SLC24A1: variants seen among roughly 807,000 people sequenced by gnomAD.
The protein encoded by SLC24A1 is solute carrier family 24 member 1, also known as sodium/potassium/calcium exchanger 1.
In SLC24A1, 52 loss-of-function variants were observed where a neutral mutation model predicts 88.1. The ratio of observed to expected loss-of-function variants is 0.59; its 90% confidence interval spans 0.47 to 0.74. The LOEUF (loss-of-function observed/expected upper bound fraction) is 0.74, where lower values mean the gene tolerates loss of function less well. Among genes scored for constraint, SLC24A1 ranks in the 30% least tolerant of loss-of-function variants. The pLI, the probability that SLC24A1 is intolerant of heterozygous loss-of-function variation, is 0.00. For missense variants in SLC24A1, 1,173 were observed against 1,363.3 expected (o/e 0.86, Z 2.20); for synonymous variants, 455 against 498.0 (o/e 0.91, Z 1.15).
At chr15:65,656,295 C>A, downstream of SLC24A1, 2 of 970,800 alleles carry the variant, frequency 2.1e-6, no homozygotes, top group Non-Finnish European at 2.4e-6. Context: ...TTCTGGCATA[C>A]CCCTTTGCCT....
chr15:65,648,992 G>A (rs1221000057), intron 6 of SLC24A1, among the ~76,000 whole-genome samples: 1 of 152,128 alleles, frequency 6.6e-6, no homozygotes, highest in Non-Finnish European at 1.5e-5. Flanking sequence ...CCCAAACACT[G>A]GTCTAAAGGT....
rs1234217435 is a variant in SLC24A1, at chr15:65,654,538, C to T, written c.*459C>T. On this transcript the variant is annotated 3_prime_UTR_variant, in exon 10 of 10. Coordinates refer to ENST00000261892, the MANE Select transcript of SLC24A1 (RefSeq NM_004727.3). ...CCAAACACACGCTGCAATTTTGTCT[C>T]CTCCTTTTCTGTTCAAATTGTGAGG... 2 of 1,186,740 alleles carry T rather than the reference C, an allele frequency of 1.7e-6. No individual in the cohort carries two copies. Among genetic ancestry groups the T allele is most frequent in the Non-Finnish European group, 2.1e-6 (2 of 944,562 alleles). 73.5% of individuals were successfully genotyped at this position (1,186,740 alleles called of 1,614,324 possible).
chr15:65,620,830 C>G (rs140925595), upstream of SLC24A1, among the ~76,000 whole-genome samples: 1,058 of 152,172 alleles, frequency 7.0e-3, 15 homozygotes, highest in African/African-American at 0.025. Flanking sequence ...TTTCATCTTT[C>G]TGGGCCAGAT....
rs1330021015 is a variant in SLC24A1, at chr15:65,624,503, G to A, written c.423G>A (p.Lys141=). 1.9e-6 allele frequency: 3 copies of A among 1,584,316 alleles called. No individual in the cohort carries two copies. The highest frequency in any genetic ancestry group is 2.6e-6 in the Non-Finnish European group (3 of 1,156,404). ...CAGCAGCAGGTACAGAAAGAAGGAA[G>A]GAAGACACCCCAACATCCAGTAGAA... The part of the protein sequence containing the change: ...SPTAAGTERR[K]EDTPTSSRTL... Residue 141 remains lysine, a synonymous_variant, in exon 2 of 10, where the codon AAG becomes AAA. Transcript: ENST00000261892.
chr15:65,638,296 A>C (rs1013875708), intron 3 of SLC24A1, 115 bp downstream of exon 3: 7 of 771,374 alleles, frequency 9.1e-6, no homozygotes, highest in Admixed American at 6.3e-5. Context: ...CAGGCCTAGG[A>C]AACTCCTGGG....
At position 65,654,333 on chromosome 15, in the gene SLC24A1, G is replaced by A; in HGVS notation, c.*254G>A. 1 of 1,281,114 alleles carries A rather than the reference G, an allele frequency of 7.8e-7. No homozygotes were observed. Among genetic ancestry groups the A allele is most frequent in the Non-Finnish European group, 9.9e-7 (1 of 1,013,774 alleles). 79.4% of individuals were successfully genotyped at this position (1,281,114 alleles called of 1,614,324 possible). A position where few individuals can be genotyped will look rare whatever the true frequency, so the allele number is the denominator to read the frequency against. On this transcript the variant is annotated 3_prime_UTR_variant, in exon 10 of 10. Transcript: ENST00000261892. ...TCATGCAGACATCTATTACATGGAG[G>A]CAGTAGAAGGACCCCTGGAGCCAGA...
downstream of SLC24A1, among the ~76,000 whole-genome samples, chr15:65,657,122 C>T (rs181827980): frequency 6.3e-3 from 965 of 152,194 alleles, 9 homozygotes; most frequent in African/African-American, 0.022. Context: ...CTGCCCGCCT[C>T]GGCCTCCCAA....
chr15:65,646,510 A>AAC (rs1442181829), intron 6 of SLC24A1, among the ~76,000 whole-genome samples: 2 of 115,434 alleles, frequency 1.7e-5, no homozygotes, highest in African/African-American at 6.7e-5. Context: ...GGCCAGTATA[A>AAC]ACACCTTTGT....
Position 65,645,716 on chromosome 15 carries a change from C to G in SLC24A1, c.2232+13C>G. ...TCCAGGCGGTCAGGTAGGCACCCAG[C>G]CTTGGCACAGACAAAATTGGAGAGG... On this transcript the variant is annotated intron_variant, in intron 6 of 9. Coordinates refer to ENST00000261892, the MANE Select transcript of SLC24A1 (RefSeq NM_004727.3). 1 of 1,551,624 alleles carries G rather than the reference C, an allele frequency of 6.4e-7. No individual in the cohort carries two copies. The highest frequency in any genetic ancestry group is 8.7e-7 in the Non-Finnish European group (1 of 1,143,928).
At chr15:65,643,319 G>A (rs2075193967) in intron 4 of SLC24A1, among the ~76,000 whole-genome samples, 1 of 152,166 alleles carries the variant, frequency 6.6e-6, no homozygotes, top group South Asian at 2.1e-4. Flanking sequence ...AGCATTTGCA[G>A]CAGTAAAAGT....
upstream of SLC24A1, among the ~76,000 whole-genome samples, chr15:65,621,147 A>G (rs1251382080): frequency 6.6e-6 from 1 of 152,218 alleles, no homozygotes; most frequent in Non-Finnish European, 1.5e-5. Context: ...CCAAAGCATC[A>G]TGCACCCAGG....
At chr15:65,653,230 G>T (rs1318284424) in intron 9 of SLC24A1, among the ~76,000 whole-genome samples, 5 of 152,138 alleles carry the variant, frequency 3.3e-5, no homozygotes, top group South Asian at 2.1e-4. Flanking sequence ...ACACGCAAAT[G>T]CCTTATCCTC....
chr15:65,612,785 G>GATTC (rs1270821584), intron 2 of SLC24A1, among the ~76,000 whole-genome samples: 2 of 152,192 alleles, frequency 1.3e-5, no homozygotes, highest in African/African-American at 2.4e-5. Context: ...TGCAGGGTCT[G>GATTC]ATTCATTACC....
downstream of SLC24A1, among the ~76,000 whole-genome samples, chr15:65,657,417 G>A (rs1372182286): frequency 6.6e-6 from 1 of 152,038 alleles, no homozygotes; most frequent in African/African-American, 2.4e-5. Flanking sequence ...CAAGGTGGGC[G>A]GATCACGAGG....
At chr15:65,652,599 G>C (rs2075543522) in intron 8 of SLC24A1, 43 bp from the exon 9 acceptor site, 1 of 1,593,780 alleles carries the variant, frequency 6.3e-7, no homozygotes. Context: ...GCTTGGATGT[G>C]CCTCAGGTTT....
At chr15:65,630,379 C>G (rs999919126) in intron 2 of SLC24A1, among the ~76,000 whole-genome samples, 7 of 152,210 alleles carry the variant, frequency 4.6e-5, no homozygotes, top group Non-Finnish European at 1.5e-5. Flanking sequence ...CCTCCCTTTT[C>G]TTATCAGGGT....
Position 65,625,277 on chromosome 15 carries a change from AACCCCAGCCATGCTC to A in SLC24A1, c.1201_1215del (p.Pro401_Thr405del). The A allele has an allele frequency of 6.2e-7, 1 of 1,613,930 alleles. No individual in the cohort carries two copies. Among genetic ancestry groups the A allele is most frequent in the East Asian group, 2.2e-5 (1 of 44,882 alleles). On this transcript the variant is annotated inframe_deletion, in exon 2 of 10. Transcript: ENST00000261892. ...TCCATCACTGTGTGGTTGTGAAGCC[AACCCCAGCCATGCTC>A]ACCACTCCCTCCCCAAGCCTCACAA...
rs1292936920 is a variant in SLC24A1, at chr15:65,624,939, G to A, written c.859G>A (p.Val287Met). The A allele has an allele frequency of 6.2e-7, 1 of 1,612,040 alleles. No homozygotes were observed. Among genetic ancestry groups the A allele is most frequent in the Admixed American group, 1.7e-5 (1 of 59,606 alleles). Residue 287 changes from valine to methionine, a missense_variant, in exon 2 of 10, where the codon GTG (valine) becomes ATG (methionine). Val to Met is a conservative substitution (Grantham distance 21). Transcript: ENST00000261892. ...EKNNLFPPRRVESNSSAHPWG... is the reference protein window; with the variant it reads ...EKNNLFPPRRMESNSSAHPWG... ...AAACAACCTGTTTCCCCCCAGAAGA[G>A]TGGAAAGTAACAGCTCAGCCCATCC...
intron 6 of SLC24A1, among the ~76,000 whole-genome samples, chr15:65,647,209 G>A (rs2141673683): frequency 6.6e-6 from 1 of 152,272 alleles, no homozygotes; most frequent in East Asian, 1.9e-4. Context: ...CGGGTGTTGT[G>A]GCTCACACCT....
Sources: gnomAD v4.1 joint callset for allele counts (sites outside exome capture counted in the v4.1 genomes callset) on GRCh38, gnomAD v4.1.1 for gene constraint, MANE v1.5 for transcripts, NCBI Gene and HGNC (gene_info 2026-07-23, HGNC 2026-07-21) for gene names.